CNTN6: variants seen among roughly 807,000 people sequenced by gnomAD.
The protein encoded by CNTN6 is contactin 6.
In CNTN6, 137 loss-of-function variants were observed where a neutral mutation model predicts 122.8. That is an observed-to-expected ratio of 1.12 (90% CI 0.97 to 1.29). The LOEUF (loss-of-function observed/expected upper bound fraction) is 1.29, where lower values mean the gene tolerates loss of function less well. Ranked by LOEUF, CNTN6 falls within the 50% of genes most tolerant of loss-of-function variation. The pLI, the probability that CNTN6 is intolerant of heterozygous loss-of-function variation, is 0.00. For synonymous variants in CNTN6, 570 were observed against 426.0 expected (o/e 1.34, Z -4.16); for missense variants, 1,634 against 1,223.4 (o/e 1.34, Z -5.01).
intron 2 of CNTN6, among the ~76,000 whole-genome samples, chr3:1,219,276 A>G (rs908473654): frequency 7.9e-5 from 12 of 152,226 alleles, no homozygotes; most frequent in African/African-American, 2.9e-4. Context: ...AATGGGACAG[A>G]TAGAAGTCTT....
At chr3:1,364,728 A>C (rs912254230) in intron 12 of CNTN6, among the ~76,000 whole-genome samples, 1 of 151,890 alleles carries the variant, frequency 6.6e-6, no homozygotes, top group Admixed American at 6.6e-5. Context: ...ATTAGTCTTC[A>C]TGTCTGCTGG....
rs547570925 is a variant in CNTN6 at position 1,124,257 on chromosome 3, G to A, written c.-82-23670G>A. On this transcript the variant is annotated intron_variant, in intron 1 of 22. Transcript: ENST00000446702. ...AACAAAGGATTAGCCAGGCCAACGC[G>A]CCAACACCACCCAGATTGAGAAACC... Among the ~76,000 whole-genome samples the A allele has an allele frequency of 7.2e-5, 11 of 151,898 alleles. No individual in the cohort carries two copies. The Middle Eastern group carries it at 0.014, about 188-fold the overall frequency.
At chr3:1,278,800 G>A (rs1692872267) in intron 5 of CNTN6, among the ~76,000 whole-genome samples, 1 of 152,180 alleles carries the variant, frequency 6.6e-6, no homozygotes. Flanking sequence ...ATTCGGTGCT[G>A]TGACAGGCAA....
At chr3:1,228,088 T>A in intron 4 of CNTN6, 95 bp downstream of exon 4, 1 of 1,205,958 alleles carries the variant, frequency 8.3e-7, no homozygotes, top group Admixed American at 2.2e-5. Context: ...CAATGATATA[T>A]TTGAGAATGA....
At chr3:1,312,112 A>T (rs924990516) in intron 7 of CNTN6, among the ~76,000 whole-genome samples, 2 of 152,068 alleles carry the variant, frequency 1.3e-5, no homozygotes, top group African/African-American at 4.8e-5. Flanking sequence ...CTCAAGAAAG[A>T]TTATAGAGGG....
intron 4 of CNTN6, among the ~76,000 whole-genome samples, chr3:1,255,416 GGA>G (rs1491416694): frequency 8.5e-6 from 1 of 117,022 alleles, no homozygotes; most frequent in African/African-American, 3.2e-5. Context: ...ATTTGAAAAT[GGA>G]AAAAAAAAAA....
chr3:1,137,916 A>G (rs756922904), intron 1 of CNTN6, among the ~76,000 whole-genome samples: 1 of 152,254 alleles, frequency 6.6e-6, no homozygotes, highest in South Asian at 2.1e-4. Flanking sequence ...AATGTCCACT[A>G]TTTGGTCCCA....
intron 7 of CNTN6, among the ~76,000 whole-genome samples, chr3:1,309,957 T>G (rs982273163): frequency 6.6e-6 from 1 of 152,206 alleles, no homozygotes; most frequent in African/African-American, 2.4e-5. Flanking sequence ...TAAACAAAAG[T>G]TAACTGACTT....
chr3:1,184,385 G>T (rs1485817876), intron 2 of CNTN6, among the ~76,000 whole-genome samples: 1 of 152,118 alleles, frequency 6.6e-6, no homozygotes, highest in Non-Finnish European at 1.5e-5. Context: ...TACAGTGAAG[G>T]TAACGCTCAT....
intron 3 of CNTN6, among the ~76,000 whole-genome samples, chr3:1,227,165 C>G (rs2094295239): frequency 6.6e-6 from 1 of 152,164 alleles, no homozygotes; most frequent in African/African-American, 2.4e-5. Flanking sequence ...GAATTGTTGA[C>G]TAATAGCTAA....
At chr3:1,360,686 A>G (rs552892502) in intron 12 of CNTN6, among the ~76,000 whole-genome samples, 8 of 151,898 alleles carry the variant, frequency 5.3e-5, no homozygotes, top group Admixed American at 3.9e-4. Flanking sequence ...GTTTCTAAAT[A>G]TTATCTATAA....
At chr3:1,181,599 T>G (rs1387466359) in intron 2 of CNTN6, among the ~76,000 whole-genome samples, 1 of 152,192 alleles carries the variant, frequency 6.6e-6, no homozygotes, top group East Asian at 1.9e-4. Context: ...TACCTGTTTG[T>G]ACTTGTGTGT....
intron 12 of CNTN6, among the ~76,000 whole-genome samples, chr3:1,359,214 T>C (rs990005713): frequency 2.0e-5 from 3 of 152,108 alleles, no homozygotes; most frequent in Admixed American, 2.0e-4. Flanking sequence ...TATGTACTAA[T>C]AGCTTTGAAA....
chr3:1,299,749 C>T (rs367564369), intron 7 of CNTN6, among the ~76,000 whole-genome samples: 4 of 152,240 alleles, frequency 2.6e-5, no homozygotes, highest in African/African-American at 9.6e-5. Flanking sequence ...CTTTTGAAAT[C>T]CTGGGAGACA....
intron 5 of CNTN6, among the ~76,000 whole-genome samples, chr3:1,288,170 G>A (rs1694677576): frequency 6.6e-6 from 1 of 152,108 alleles, no homozygotes; most frequent in African/African-American, 2.4e-5. Context: ...AGCAATATTA[G>A]GAACCCATGA....
intron 3 of CNTN6, among the ~76,000 whole-genome samples, chr3:1,227,053 T>A (rs2094293857): frequency 6.6e-6 from 1 of 152,196 alleles, no homozygotes. Flanking sequence ...CAGGTATTCA[T>A]TTGTCTTAAA....
chr3:1,150,626 T>G (rs950873053), intron 2 of CNTN6, among the ~76,000 whole-genome samples: 2 of 152,174 alleles, frequency 1.3e-5, no homozygotes, highest in African/African-American at 4.8e-5. Context: ...TAGAAGAAAA[T>G]GAAGGCCCAT....
Position 1,094,960 on chromosome 3 carries a change from G to A in CNTN6, c.-83+1840G>A, listed in dbSNP as rs191418023. Among the ~76,000 whole-genome samples, 245 of 152,118 alleles carry A rather than the reference G, an allele frequency of 1.6e-3. 1 individual carries two copies. The highest frequency in any genetic ancestry group is 7.5e-3 in the South Asian group (36 of 4,820). On this transcript the variant is annotated intron_variant, in intron 1 of 22. Coordinates refer to ENST00000446702, the MANE Select transcript of CNTN6 (RefSeq NM_001289080.2). ...TCAAACTATACATAAAAGTTCAAAA[G>A]GGAAAACCCATCACCTGTAAATAAC...
intron 1 of CNTN6, among the ~76,000 whole-genome samples, chr3:1,107,315 T>A (rs1253967856): frequency 6.6e-6 from 1 of 152,122 alleles, no homozygotes; most frequent in Non-Finnish European, 1.5e-5. Flanking sequence ...AATTGTTGAG[T>A]ACCCATTTCA....
Sources: gnomAD v4.1 joint callset for allele counts (sites outside exome capture counted in the v4.1 genomes callset) on GRCh38, gnomAD v4.1.1 for gene constraint, MANE v1.5 for transcripts, NCBI Gene and HGNC (gene_info 2026-07-23, HGNC 2026-07-21) for gene names.